Variants in KCTD17 observed in about 807,000 individuals in gnomAD.
The protein encoded by KCTD17 is BTB/POZ domain-containing protein KCTD17.
In KCTD17, 20 loss-of-function variants were observed where a neutral mutation model predicts 41.5. The ratio of observed to expected loss-of-function variants is 0.48; its 90% CI spans 0.34 to 0.70. KCTD17 has a LOEUF of 0.70. Among genes scored for constraint, KCTD17 ranks in the 30% least tolerant of loss-of-function variants. The pLI is 0.01. For synonymous variants in KCTD17, 156 were observed against 173.8 expected (o/e 0.90, Z 0.80); for missense variants, 317 against 427.2 (o/e 0.74, Z 2.27).
chr22:37,051,934 G>A lies in KCTD17; in HGVS notation c.174G>A (p.Glu58=). 6.7e-7 allele frequency: 1 copy of A among 1,493,514 alleles called. No individual in the cohort carries two copies. Among genetic ancestry groups the A allele is most frequent in the Non-Finnish European group, 8.9e-7 (1 of 1,121,452 alleles). 92.5% of individuals were successfully genotyped at this position (1,493,514 alleles called of 1,614,324 possible). ...TCAGCCGCCTGTGCCAGGGGGAAGA[G>A]CTGCAGTCGGACCGGGTGAGGCCCC... The part of the protein sequence containing the change: ...SFLSRLCQGE[E]LQSDRDETGA... The change falls in exon 1 of 9, where the codon GAG becomes GAA. Residue 58 remains glutamate (E), a synonymous_variant. Transcript: ENST00000403888.
At chr22:37,055,754 C>T (rs1361122919) in intron 2 of KCTD17, among the ~76,000 whole-genome samples, 1 of 152,144 alleles carries the variant, frequency 6.6e-6, no homozygotes, top group Non-Finnish European at 1.5e-5. Context: ...TATGTGCTTA[C>T]AGTGGGGAGA....
At chr22:37,056,531 G>T in intron 3 of KCTD17, 120 bp downstream of exon 3, 1 of 764,686 alleles carries the variant, frequency 1.3e-6, no homozygotes, top group Non-Finnish European at 2.1e-6. Context: ...GTCATGGGGA[G>T]GCCGAGCTGG....
At chr22:37,060,943 G>A (rs1174454707) in intron 6 of KCTD17, 21 bp downstream of exon 6, 1 of 1,537,238 alleles carries the variant, frequency 6.5e-7, no homozygotes. Flanking sequence ...CCCCCAGGAG[G>A]ATGATTGCTA....
At chr22:37,059,461 G>A (rs775783050) in intron 5 of KCTD17, 23 bp downstream of exon 5, 28 of 1,597,886 alleles carry the variant, frequency 1.8e-5, no homozygotes, top group African/African-American at 4.0e-5. Context: ...GCCTCAGCCT[G>A]TGTCCGGAGA....
rs200992863 is a variant in KCTD17, at chr22:37,059,279, C to T, written c.487-34C>T. On this transcript the variant is annotated intron_variant, in intron 4 of 8. Transcript: ENST00000403888. ...CCTGCCCCACGGCCCCCAACACCAA[C>T]CTGCATTTTTCTCCCCATGCTCCGC... 87 of 1,608,994 alleles carry T rather than the reference C, an allele frequency of 5.4e-5. No individual in the cohort carries two copies. In the South Asian group the frequency reaches 8.9e-4, roughly 16 times the overall value.
intron 3 of KCTD17, 104 bp downstream of exon 3, chr22:37,056,515 GTGTT>G (rs1273755671): frequency 2.1e-6 from 2 of 963,360 alleles, no homozygotes; most frequent in African/African-American, 3.2e-5. Flanking sequence ...GACAGGACCA[GTGTT>G]TGTCATGGGG....
rs1218008360 is a variant in KCTD17 at position 37,053,118 on chromosome 22, C to A, written c.208C>A (p.Leu70Ile). The A allele has an allele frequency of 3.8e-6, 6 of 1,594,500 alleles. No individual in the cohort carries two copies. Among genetic ancestry groups the A allele is most frequent in the Non-Finnish European group, 4.3e-6 (5 of 1,170,658 alleles). The change falls in exon 2 of 9, where the codon CTC (leucine) becomes ATC (isoleucine). Residue 70 changes from leucine (L) to isoleucine (I), a missense_variant. This residue lies in a region of KCTD17 where 99 missense variants were observed against 166.5 expected (regional missense o/e 0.59). Transcript: ENST00000403888. This position sits in a 1 kb window ranked among gnomAD's most constrained non-coding sequence, Gnocchi z 4.1. ...QSDRDETGAY[L>I]IDRDPTYFGP... Reference sequence around the variant, plus strand: ...TCCATAGGATGAGACCGGGGCCTACCTCATTGACCGTGACCCCACCTACTT... The same window carrying A: ...TCCATAGGATGAGACCGGGGCCTACATCATTGACCGTGACCCCACCTACTT...
chr22:37,060,172 G>A (rs577077531), intron 5 of KCTD17, among the ~76,000 whole-genome samples: 5 of 152,316 alleles, frequency 3.3e-5, no homozygotes, highest in African/African-American at 7.2e-5. Flanking sequence ...CAGAGCAGGC[G>A]TGAACCAGGC....
At position 37,053,732 on chromosome 22, in the gene KCTD17, G is replaced by A. The variant is rs776692919; in HGVS notation, c.298+524G>A. On this transcript the variant is annotated intron_variant, in intron 2 of 8. Coordinates refer to ENST00000403888, the MANE Select transcript of KCTD17 (RefSeq NM_001282684.2). The surrounding 1 kb of genome is among the most constrained non-coding windows in gnomAD (Gnocchi z 4.1). ...GCTGGCTGTGGGTGGAGGCAGGAGAGGGGGGAGTCTGCTTCCCAGTGGGGC... is the reference window on the plus strand; with the variant it reads ...GCTGGCTGTGGGTGGAGGCAGGAGAAGGGGGAGTCTGCTTCCCAGTGGGGC... Among the ~76,000 whole-genome samples the A allele has an allele frequency of 6.6e-6, 1 of 152,142 alleles. No individual in the cohort carries two copies. Among genetic ancestry groups the A allele is most frequent in the Admixed American group, 6.5e-5 (1 of 15,286 alleles).
rs1924706174 is a variant in KCTD17, at chr22:37,053,250, G to T, written c.298+42G>T. ...GGCTGGCCTGGACCTTATGCAGCCT[G>T]CCAGGGCCCTCTGTGGAGGCCCCAA... On this transcript the variant is annotated intron_variant, in intron 2 of 8. Coordinates refer to ENST00000403888, the MANE Select transcript of KCTD17 (RefSeq NM_001282684.2). This position sits in a 1 kb window ranked among gnomAD's most constrained non-coding sequence, Gnocchi z 4.1. The T allele has an allele frequency of 1.4e-6, 2 of 1,467,580 alleles. No homozygotes were observed. Among genetic ancestry groups the T allele is most frequent in the Admixed American group, 1.9e-5 (1 of 51,512 alleles). The allele number at this position is 1,467,580 out of a possible 1,614,324, so 90.9% of individuals were successfully genotyped here.
At chr22:37,052,829 T>G (rs1924653653) in intron 1 of KCTD17, among the ~76,000 whole-genome samples, 1 of 152,144 alleles carries the variant, frequency 6.6e-6, no homozygotes, top group African/African-American at 2.4e-5. Context: ...TCAGACATCC[T>G]CTCACCGGAT....
At position 37,061,137 on chromosome 22, in the gene KCTD17, C is replaced by T. The variant is rs1309221082; in HGVS notation, c.746C>T (p.Ser249Phe). The T allele has an allele frequency of 2.6e-6, 4 of 1,551,314 alleles. No homozygotes were observed. Among genetic ancestry groups the T allele is most frequent in the Non-Finnish European group, 3.5e-6 (4 of 1,146,952 alleles). Reference protein sequence around the residue: ...QSSQDPANLFSLPPLPPPPLP... With the variant: ...QSSQDPANLFFLPPLPPPPLP... ...TCTCAGGATCCCGCTAACCTTTTCT[C>T]CCTCCCACCACTGCCTCCTCCTCCG... The change falls in exon 7 of 9, where the codon TCC becomes TTC. Residue 249 changes from serine to phenylalanine, a missense_variant. Ser to Phe is a radical substitution (Grantham distance 155, BLOSUM62 -2). Transcript: ENST00000403888. The surrounding 1 kb of genome is among the most constrained non-coding windows in gnomAD (Gnocchi z 6.6).
Position 37,061,284 on chromosome 22 carries a change from A to T in KCTD17, c.784+109A>T. ...TTTCTCTCTGCCTGCTCACGCCTCC[A>T]TCCCGGGTCTGCCCTGGTCCCAGCC... On this transcript the variant is annotated intron_variant, in intron 7 of 8. Transcript: ENST00000403888. This position sits in a 1 kb window ranked among gnomAD's most constrained non-coding sequence, Gnocchi z 6.6. The T allele has an allele frequency of 6.5e-7, 1 of 1,533,870 alleles. No homozygotes were observed. The highest frequency in any genetic ancestry group is 8.7e-7 in the Non-Finnish European group (1 of 1,143,446).
At chr22:37,054,269 C>T (rs1329025110) in intron 2 of KCTD17, among the ~76,000 whole-genome samples, 6 of 152,168 alleles carry the variant, frequency 3.9e-5, no homozygotes, top group East Asian at 1.9e-4. Flanking sequence ...CAGGCCCCAT[C>T]GGGAGGGAAG....
intron 2 of KCTD17, among the ~76,000 whole-genome samples, chr22:37,055,660 C>T (rs1925017071): frequency 6.6e-6 from 1 of 152,214 alleles, no homozygotes; most frequent in Admixed American, 6.5e-5. Context: ...CTGCTCTCCT[C>T]ATATCCCTGG....
chr22:37,057,562 C>T (rs1925292228), intron 4 of KCTD17, 69 bp downstream of exon 4: 1 of 1,234,196 alleles, frequency 8.1e-7, no homozygotes, highest in Admixed American at 1.9e-5. Flanking sequence ...CAAGCAGGCC[C>T]CTCCCTTCCT....
chr22:37,052,059 T>G, intron 1 of KCTD17, 110 bp downstream of exon 1: 3 of 1,110,086 alleles, frequency 2.7e-6, no homozygotes, highest in East Asian at 4.9e-5. Context: ...CGGGTTCATT[T>G]CCGAGGAACT....
At chr22:37,052,383 G>C (rs888073086) in intron 1 of KCTD17, 10 of 387,122 alleles carry the variant, frequency 2.6e-5, no homozygotes, top group Non-Finnish European at 3.7e-5. Flanking sequence ...CCTTCTGAGC[G>C]GGCTGAATCT....
In KCTD17 at chr22:37,061,738, T is replaced by C. The variant is rs924846704; in HGVS notation, c.875+109T>C. ...GGCTGATTATCTCCACCCACCAAAGTTTCTCATCCGACCTTGGCCTTGGGG... is the reference window on the plus strand; with the variant it reads ...GGCTGATTATCTCCACCCACCAAAGCTTCTCATCCGACCTTGGCCTTGGGG... On this transcript the variant is annotated intron_variant, in intron 8 of 8. Transcript: ENST00000403888. This position sits in a 1 kb window ranked among gnomAD's most constrained non-coding sequence, Gnocchi z 6.6. The C allele has an allele frequency of 1.8e-5, 27 of 1,471,456 alleles. No homozygotes were observed. Among genetic ancestry groups the C allele is most frequent in the Non-Finnish European group, 2.4e-5 (26 of 1,106,214 alleles). 91.1% of individuals were successfully genotyped at this position (1,471,456 alleles called of 1,614,324 possible).
Sources: gnomAD v4.1 joint callset for allele counts (sites outside exome capture counted in the v4.1 genomes callset) on GRCh38, gnomAD v4.1.1 for gene constraint, gnomAD v4.1.1 regional missense constraint, Gnocchi (gnomAD v3.1) non-coding constraint, MANE v1.5 for transcripts, NCBI Gene and HGNC (gene_info 2026-07-23, HGNC 2026-07-21) for gene names.